SLC2A9: variants seen among roughly 807,000 people sequenced by gnomAD.
The protein encoded by SLC2A9 is solute carrier family 2, facilitated glucose transporter member 9.
A neutral mutation model predicts 50.6 loss-of-function variants in SLC2A9; 39 were observed. The ratio of observed to expected loss-of-function variants is 0.77; its 90% CI spans 0.60 to 1.01. SLC2A9 has a LOEUF of 1.01. SLC2A9 is among the 50% of genes least tolerant of loss of function. SLC2A9 has a pLI of 0.00. For missense variants in SLC2A9, 686 were observed against 677.6 expected (o/e 1.01, Z -0.14); for synonymous variants, 324 against 276.9 (o/e 1.17, Z -1.69).
intron 10 of SLC2A9, chr4:9,879,422 G>A: frequency 2.0e-6 from 2 of 985,266 alleles, no homozygotes; most frequent in Non-Finnish European, 2.4e-6. Flanking sequence ...GGGGCAGGGG[G>A]CAGCTGCCTG....
At chr4:9,980,481 T>G in intron 5 of SLC2A9, 111 bp downstream of exon 5, 1 of 1,459,860 alleles carries the variant, frequency 6.8e-7, no homozygotes, top group South Asian at 1.2e-5. Context: ...GTAAGAGGCT[T>G]GAATACCAGA....
intron 10 of SLC2A9, among the ~76,000 whole-genome samples, chr4:9,845,423 A>ATTTTTTTTTTTTTTTTTT (rs1183351674): frequency 2.3e-4 from 30 of 130,788 alleles, no homozygotes; most frequent in African/African-American, 6.3e-4. Context: ...ACGATCATCA[A>ATTTTTTTTTTTTTTTTTT]TTTCTTTTTT....
chr4:9,895,859 G>C (rs978031004), intron 8 of SLC2A9, among the ~76,000 whole-genome samples: 1 of 152,138 alleles, frequency 6.6e-6, no homozygotes, highest in African/African-American at 2.4e-5. Context: ...GGCAACCTCC[G>C]ATCTGCTTTC....
intron 3 of SLC2A9, among the ~76,000 whole-genome samples, chr4:9,810,884 T>C (rs1722797074): frequency 6.6e-6 from 1 of 152,198 alleles, no homozygotes; most frequent in Non-Finnish European, 1.5e-5. Flanking sequence ...ATCTTTAGGC[T>C]CTCACCGCTG....
At position 9,855,415 on chromosome 4, in the gene SLC2A9, C is replaced by T. The variant is rs139292069; in HGVS notation, c.1292-20407G>A. Among the ~76,000 whole-genome samples the T allele has an allele frequency of 6.0e-4, 91 of 152,050 alleles. 1 individual carries two copies. Among genetic ancestry groups the T allele is most frequent in the South Asian group, 1.7e-3 (8 of 4,808 alleles). ...CTAGGAATAGAGCTAACCAGGGAGG[C>T]GAAAGATCCCTACAATGAAAATTAC... On this transcript the variant is annotated intron_variant, in intron 10 of 11. Coordinates refer to ENST00000264784, the MANE Select transcript of SLC2A9 (RefSeq NM_020041.3).
rs116491392 is a variant in SLC2A9, at chr4:9,868,536, C to T, written c.1291+19031G>A. Among the ~76,000 whole-genome samples the T allele has an allele frequency of 5.4e-3, 818 of 152,324 alleles. 6 individuals carry two copies. The highest frequency in any genetic ancestry group is 0.019 in the African/African-American group (772 of 41,566). On this transcript the variant is annotated intron_variant, in intron 10 of 11. Transcript: ENST00000264784. ...ATTTATTTCAATTGGGTACCTGCAC[C>T]TTCATAAAATGGCATAAACTAAACA...
Position 9,951,885 on chromosome 4 carries a change from G to T in SLC2A9, c.682-9840C>A, listed in dbSNP as rs79407570. On this transcript the variant is annotated intron_variant, in intron 5 of 11. Transcript: ENST00000264784. ...AGATTCATTTAATGTTTGGATGAATGGTTGCAGAATTAGAGTAGGTATCAA... is the reference window on the plus strand; with the variant it reads ...AGATTCATTTAATGTTTGGATGAATTGTTGCAGAATTAGAGTAGGTATCAA... 9.6e-3 allele frequency among the ~76,000 whole-genome samples: 1,455 copies of T among 152,348 alleles called. 29 individuals are homozygous for T. Among genetic ancestry groups the T allele is most frequent in the African/African-American group, 0.033 (1,366 of 41,582 alleles).
At chr4:9,790,705 G>A (rs1719804805) in intron 3 of SLC2A9, among the ~76,000 whole-genome samples, 1 of 152,166 alleles carries the variant, frequency 6.6e-6, no homozygotes. Context: ...AAATATTGAT[G>A]TCTGGGGCCG....
intron 6 of SLC2A9, among the ~76,000 whole-genome samples, chr4:9,931,966 A>C (rs60827342): frequency 0.038 from 1,004 of 26,440 alleles, 5 homozygotes; most frequent in African/African-American, 0.048. Flanking sequence ...CTCTCTCTAT[A>C]TATATATATA....
At chr4:9,936,805 A>G (rs1747166697) in intron 6 of SLC2A9, among the ~76,000 whole-genome samples, 1 of 152,100 alleles carries the variant, frequency 6.6e-6, no homozygotes. Context: ...CCACCCTGAA[A>G]TCTTTGATAT....
chr4:10,036,106 C>T (rs1234800426), intron 1 of SLC2A9: 1 of 182,516 alleles, frequency 5.5e-6, no homozygotes, highest in Non-Finnish European at 1.1e-5. Flanking sequence ...ATCCATCCAT[C>T]CATCCATCCA....
At position 9,878,167 on chromosome 4, in the gene SLC2A9, C is replaced by T. The variant is rs1043475627; in HGVS notation, c.1291+9400G>A. 2.0e-5 allele frequency among the ~76,000 whole-genome samples: 3 copies of T among 151,636 alleles called. No homozygotes were observed. In the East Asian group the frequency reaches 5.8e-4, roughly 29 times the overall value. On this transcript the variant is annotated intron_variant, in intron 10 of 11. Transcript: ENST00000264784. ...ACACATATATATATATATAAAATTGCAATATATATATATTTGATTTTTGTC... is the reference window on the plus strand; with the variant it reads ...ACACATATATATATATATAAAATTGTAATATATATATATTTGATTTTTGTC...
chr4:9,783,531 G>C, intron 3 of SLC2A9: 1 of 1,384,534 alleles, frequency 7.2e-7, no homozygotes, highest in Non-Finnish European at 9.9e-7. Flanking sequence ...GCACACACAC[G>C]CAAATACATG....
At chr4:9,980,879 C>A in intron 4 of SLC2A9, 142 bp from the exon 5 acceptor site, 1 of 1,062,700 alleles carries the variant, frequency 9.4e-7, no homozygotes, top group Non-Finnish European at 1.4e-6. Flanking sequence ...GCACTTAGCA[C>A]AAATTGCCAA....
chr4:9,985,164 C>A (rs915080898), intron 4 of SLC2A9, among the ~76,000 whole-genome samples: 2 of 152,116 alleles, frequency 1.3e-5, no homozygotes, highest in Non-Finnish European at 2.9e-5. Context: ...CTACTGTCTA[C>A]CTTATGTATC....
chr4:9,809,516 A>C (rs1295070971), intron 3 of SLC2A9, among the ~76,000 whole-genome samples: 1 of 152,170 alleles, frequency 6.6e-6, no homozygotes, highest in Non-Finnish European at 1.5e-5. Context: ...CCCGGGCACA[A>C]GAGGAAGAAT....
At chr4:9,987,148 C>T (rs1043571719) in intron 3 of SLC2A9, among the ~76,000 whole-genome samples, 2 of 152,162 alleles carry the variant, frequency 1.3e-5, no homozygotes, top group Non-Finnish European at 2.9e-5. Context: ...GAGACAGAGT[C>T]TTGCTCTATC....
chr4:9,889,616 C>A (rs58769709), intron 9 of SLC2A9, among the ~76,000 whole-genome samples: 11,084 of 152,256 alleles, frequency 0.073, 960 homozygotes, highest in East Asian at 0.25. Flanking sequence ...TCAAAGGGCA[C>A]CCATCAGCCA....
intron 10 of SLC2A9, among the ~76,000 whole-genome samples, chr4:9,875,943 T>C (rs543750216): frequency 3.3e-5 from 5 of 152,290 alleles, no homozygotes; most frequent in South Asian, 2.1e-4. Flanking sequence ...AACAAAGCCA[T>C]AGGCAAGAGC....
Sources: allele counts gnomAD v4.1 joint callset (sites outside exome capture counted in the v4.1 genomes callset), GRCh38; gene constraint gnomAD v4.1.1; transcripts MANE v1.5; gene names NCBI Gene and HGNC (gene_info 2026-07-23, HGNC 2026-07-21).